PLXNB1: variants seen among roughly 807,000 people sequenced by gnomAD.
The protein encoded by PLXNB1 is plexin B1.
PLXNB1 carries 106 observed loss-of-function variants against 209.4 expected under a neutral mutation model. The ratio of observed to expected loss-of-function variants is 0.51; its 90% CI spans 0.43 to 0.59. The LOEUF is 0.59. PLXNB1 is among the 20% of genes least tolerant of loss of function. The pLI is 0.00. For synonymous variants in PLXNB1, 1,167 were observed against 1,183.2 expected, an observed-to-expected ratio of 0.99 and a Z score of 0.28; for missense variants, 2,357 against 2,853.2, an observed-to-expected ratio of 0.83 and a Z score of 3.96.
chr3:48,419,524 G>A lies in PLXNB1; in HGVS notation c.2709+53C>T. 1.3e-6 allele frequency: 2 copies of A among 1,543,174 alleles called. No individual in the cohort carries two copies. The highest frequency in any genetic ancestry group is 3.6e-5 in the Admixed American group (2 of 55,444). On this transcript the variant is annotated intron_variant, in intron 11 of 37. Transcript: ENST00000296440. The surrounding 1 kb of genome is among the most constrained non-coding windows in gnomAD (Gnocchi z 5.7). ...AGAATCACAAGGCAAGCTAGGGGTAGCATCTTCCCCACATCCCCTCCCCTG... is the reference window on the plus strand; with the variant it reads ...AGAATCACAAGGCAAGCTAGGGGTAACATCTTCCCCACATCCCCTCCCCTG...
chr3:48,424,558 G>A lies in PLXNB1; in HGVS notation c.54C>T (p.Leu18=), dbSNP rs180824217. The change falls in exon 3 of 38, where the codon CTC becomes CTT. Residue 18 remains leucine (L), a synonymous_variant. Transcript: ENST00000296440. ...LLQALWAGWV[L]TLQPLPPTAF... is the part of the protein sequence containing the mutation. ...CAGTTGGTGGAAGGGGCTGGAGGGT[G>A]AGGACCCACCCGGCCCAGAGAGCCT... The A allele has an allele frequency of 1.7e-4, 271 of 1,563,110 alleles. 1 individual carries two copies. The highest frequency in any genetic ancestry group is 1.6e-3 in the South Asian group (134 of 85,372).
Position 48,405,787 on chromosome 3 carries a change from T to C in PLXNB1, c.6240A>G (p.Gly2080=). 2.5e-6 allele frequency: 4 copies of C among 1,613,398 alleles called. No individual in the cohort carries two copies. Among genetic ancestry groups the C allele is most frequent in the Non-Finnish European group, 8.5e-7 (1 of 1,179,672 alleles). ...GCAGGGCCACTCGCGCCCCGAGGTC[T>C]CCGGAGTAGTTCTAGGGAAGAGGCC... ...VLAELSWNYS[G]DLGARVALHE... The change falls in exon 37 of 38, where the codon GGA becomes GGG. Residue 2080 remains glycine, a synonymous_variant. Transcript: ENST00000296440. This position sits in a 1 kb window ranked among gnomAD's most constrained non-coding sequence, Gnocchi z 5.0.
chr3:48,404,225 T>C lies in PLXNB1; in HGVS notation c.*261A>G. 2.1e-6 allele frequency: 1 copy of C among 476,646 alleles called. No homozygotes were observed. The highest frequency in any genetic ancestry group is 3.7e-6 in the Non-Finnish European group (1 of 268,200). 29.5% of individuals were successfully genotyped at this position (476,646 alleles called of 1,614,324 possible). A position where few individuals can be genotyped will look rare whatever the true frequency, so the allele number is the denominator to read the frequency against. ...CCAGCCACTCTCTGGAAGCCCTTAG[T>C]CCCCAACTCCCTGCAGACCGGTGTC... On this transcript the variant is annotated 3_prime_UTR_variant, in exon 38 of 38. Coordinates refer to ENST00000296440, the MANE Select transcript of PLXNB1 (RefSeq NM_001130082.3).
chr3:48,415,597 G>C lies in PLXNB1; in HGVS notation c.3780C>G (p.Thr1260=), dbSNP rs1415462994. 6.3e-7 allele frequency: 1 copy of C among 1,581,744 alleles called. No homozygotes were observed. Among genetic ancestry groups the C allele is most frequent in the Non-Finnish European group, 8.6e-7 (1 of 1,162,984 alleles). ...LDPNITSAGP[T]KSFLSGGREI... is the part of the protein sequence containing the mutation. The stretch of plus-strand genomic sequence containing the variant: ...TGGCCCAACACCTGAGGAAGCTCTT[G>C]GTGGGGCCAGCAGAGGTGATGTTGG... Residue 1260 remains threonine (T), a synonymous_variant, in exon 19 of 38, where the codon ACC becomes ACG. Coordinates refer to ENST00000296440, the MANE Select transcript of PLXNB1 (RefSeq NM_001130082.3). This position sits in a 1 kb window ranked among gnomAD's most constrained non-coding sequence, Gnocchi z 5.0.
intron 6 of PLXNB1, 21 bp downstream of exon 6, chr3:48,422,084 G>A (rs1479655487): frequency 6.3e-7 from 1 of 1,596,574 alleles, no homozygotes; most frequent in Non-Finnish European, 8.6e-7. Flanking sequence ...GCTGGGGCTG[G>A]GATGGGGTCA....
Position 48,429,085 on chromosome 3 carries a change from G to A in PLXNB1, c.-60+923C>T, listed in dbSNP as rs1575417818. 6.6e-6 allele frequency among the ~76,000 whole-genome samples: 1 copy of A among 152,222 alleles called. No individual in the cohort carries two copies. The highest frequency in any genetic ancestry group is 1.9e-4 in the East Asian group (1 of 5,186). ...TCAGTCTCCCAATCGCGTTCCAGGCGGAGTCGCCAGAGTTTCCCTTCGCGC... is the reference window on the plus strand; with the variant it reads ...TCAGTCTCCCAATCGCGTTCCAGGCAGAGTCGCCAGAGTTTCCCTTCGCGC... On this transcript the variant is annotated intron_variant, in intron 1 of 37. Transcript: ENST00000296440. This position sits in a 1 kb window ranked among gnomAD's most constrained non-coding sequence, Gnocchi z 6.4.
At chr3:48,421,567 G>A in intron 7 of PLXNB1, 107 bp downstream of exon 7, 1 of 1,240,722 alleles carries the variant, frequency 8.1e-7, no homozygotes, top group Non-Finnish European at 1.1e-6. Flanking sequence ...TGACTTGTGT[G>A]AGGCCATGTG....
rs1452980611 is a variant in PLXNB1, at chr3:48,411,714, G to A, written c.5247+149C>T. ...CTATCCTGCTAAGCTAGTCTGATGG[G>A]CTCTCTCCAGGAGCCAGCCAGAGGT... is the stretch of plus-strand genomic sequence containing the variant. On this transcript the variant is annotated intron_variant, in intron 28 of 37. Coordinates refer to ENST00000296440, the MANE Select transcript of PLXNB1 (RefSeq NM_001130082.3). The surrounding 1 kb of genome is among the most constrained non-coding windows in gnomAD (Gnocchi z 4.0). 8 of 826,942 alleles carry A rather than the reference G, an allele frequency of 9.7e-6. No homozygotes were observed. Among genetic ancestry groups the A allele is most frequent in the African/African-American group, 1.7e-5 (1 of 58,048 alleles). The allele number at this position is 826,942 out of a possible 1,614,324, so 51.2% of individuals were successfully genotyped here.
chr3:48,420,095 A>C lies in PLXNB1; in HGVS notation c.2191T>G (p.Ser731Ala). The C allele has an allele frequency of 6.2e-7, 1 of 1,613,520 alleles. No homozygotes were observed. Among genetic ancestry groups the C allele is most frequent in the South Asian group, 1.1e-5 (1 of 91,042 alleles). Residue 731 changes from serine (S) to alanine (A), a missense_variant, in exon 11 of 38, where the codon TCC becomes GCC. This residue lies in a region of PLXNB1 where 410 missense variants were observed against 401.0 expected (regional missense o/e 1.02). Transcript: ENST00000296440. ...ASDISPGASP[S>A]LLSPWGPWAG... is the part of the protein sequence containing the mutation. ...CATGGCCCCCAGGGGCTGAGCAGGG[A>C]AGGACTAGCCCCAGGTGAGATGTCC...
intron 2 of PLXNB1, among the ~76,000 whole-genome samples, 197 bp downstream of exon 2, chr3:48,425,084 A>G (rs2038812634): frequency 6.6e-6 from 1 of 152,242 alleles, no homozygotes; most frequent in African/African-American, 2.4e-5. Flanking sequence ...GTTAGAATCA[A>G]GACAAGAGTT....
At chr3:48,422,621 A>G in intron 4 of PLXNB1, 144 bp downstream of exon 4, 2 of 1,218,812 alleles carry the variant, frequency 1.6e-6, no homozygotes, top group Non-Finnish European at 2.3e-6. Context: ...AGTCACAGGT[A>G]AACACCACCC....
In PLXNB1 at chr3:48,418,304, G is replaced by A; in HGVS notation, c.3109C>T (p.Pro1037Ser). ...TCACACCACACACAGCCATACTGGG[G>A]CATGGCAGTTTGGCAGCGGCTGCAG... ...GDCSRCQTAM[P>S]QYGCVWCEGE... The change falls in exon 15 of 38, where the codon CCC becomes TCC. Residue 1037 changes from proline (P) to serine (S), a missense_variant. Around this residue, in one of 7 missense-constraint regions of PLXNB1, gnomAD observed 743 missense variants for 896.2 expected, o/e 0.83. Transcript: ENST00000296440. The surrounding 1 kb of genome is among the most constrained non-coding windows in gnomAD (Gnocchi z 6.6). 6.2e-7 allele frequency: 1 copy of A among 1,613,796 alleles called. No homozygotes were observed. The highest frequency in any genetic ancestry group is 8.5e-7 in the Non-Finnish European group (1 of 1,180,046).
At chr3:48,421,424 GCAGCAGA>G (rs777398804) in intron 7 of PLXNB1, 40 bp from the exon 8 acceptor site, 2 of 1,511,356 alleles carry the variant, frequency 1.3e-6, no homozygotes, top group South Asian at 1.3e-5. Flanking sequence ...GGGCTAGTGG[GCAGCAGA>G]CCAGGGCTCA....
At chr3:48,425,829 CACACACAGAG>C (rs1330646464) in intron 1 of PLXNB1, among the ~76,000 whole-genome samples, 8 of 149,130 alleles carry the variant, frequency 5.4e-5, no homozygotes, top group African/African-American at 2.1e-4. Flanking sequence ...CACACACACA[CACACACAGAG>C]AGAGAGAGAT....
rs1366864196 is a variant in PLXNB1 at position 48,411,579 on chromosome 3, C to T, written c.5247+284G>A. ...GTCAGGCCCTGACACAGCTCAAGCCCATGGTCTAAGGTAGGGCTGGCTTCT... is the reference window on the plus strand; with the variant it reads ...GTCAGGCCCTGACACAGCTCAAGCCTATGGTCTAAGGTAGGGCTGGCTTCT... On this transcript the variant is annotated intron_variant, in intron 28 of 37. Coordinates refer to ENST00000296440, the MANE Select transcript of PLXNB1 (RefSeq NM_001130082.3). The surrounding 1 kb of genome is among the most constrained non-coding windows in gnomAD (Gnocchi z 4.0). Among the ~76,000 whole-genome samples the T allele has an allele frequency of 6.6e-6, 1 of 152,212 alleles. No individual in the cohort carries two copies. Among genetic ancestry groups the T allele is most frequent in the East Asian group, 1.9e-4 (1 of 5,198 alleles).
Position 48,409,263 on chromosome 3 carries a change from T to A in PLXNB1, c.6087+66A>T. On this transcript the variant is annotated intron_variant, in intron 34 of 37. Coordinates refer to ENST00000296440, the MANE Select transcript of PLXNB1 (RefSeq NM_001130082.3). This position sits in a 1 kb window ranked among gnomAD's most constrained non-coding sequence, Gnocchi z 5.8. ...TTGAAGTTCTCAGAAAAGCCTGGAA[T>A]CTGAGTGCACACACAGCACTGTCCA... 1.9e-6 allele frequency: 3 copies of A among 1,570,876 alleles called. No homozygotes were observed. The highest frequency in any genetic ancestry group is 1.1e-5 in the South Asian group (1 of 87,050).
At position 48,419,080 on chromosome 3, in the gene PLXNB1, TG is replaced by T. The variant is rs1560064265; in HGVS notation, c.2833-42del. Reference sequence around the variant, plus strand: ...ACAGCTGTTGGGCAGCTTCAGGAGCTGGGCCCAGGGAGTCCTGCAGGTCACC... The same window carrying T: ...ACAGCTGTTGGGCAGCTTCAGGAGCTGGCCCAGGGAGTCCTGCAGGTCACC... On this transcript the variant is annotated intron_variant, in intron 12 of 37. Coordinates refer to ENST00000296440, the MANE Select transcript of PLXNB1 (RefSeq NM_001130082.3). The surrounding 1 kb of genome is among the most constrained non-coding windows in gnomAD (Gnocchi z 5.7). The T allele has an allele frequency of 6.2e-7, 1 of 1,608,822 alleles. No homozygotes were observed. The highest frequency in any genetic ancestry group is 2.2e-5 in the East Asian group (1 of 44,744).
rs1395278951 is a variant in PLXNB1 at position 48,420,948 on chromosome 3, A to G, written c.1819T>C (p.Ser607Pro). ...CCAAATCTGAGCTCCACGCTCACGG[A>G]TACGTAGTCTGCAGAGGGGGAGAGA... ...PVLPRGADYV[S>P]VSVELRFGAV... The change falls in exon 9 of 38, where the codon TCC becomes CCC. Residue 607 changes from serine (S) to proline (P), a missense_variant. Physicochemically the swap from Ser to Pro is moderately conservative, Grantham distance 74. Coordinates refer to ENST00000296440, the MANE Select transcript of PLXNB1 (RefSeq NM_001130082.3). The G allele has an allele frequency of 2.5e-6, 4 of 1,612,794 alleles. No homozygotes were observed. Among genetic ancestry groups the G allele is most frequent in the Non-Finnish European group, 2.5e-6 (3 of 1,178,898 alleles).
Position 48,409,807 on chromosome 3 carries a change from G to GCACTGTGC in PLXNB1, c.5779-84_5779-77dup, listed in dbSNP as rs1408246611. 3.9e-5 allele frequency: 62 copies of GCACTGTGC among 1,579,632 alleles called. No homozygotes were observed. Among genetic ancestry groups the GCACTGTGC allele is most frequent in the Non-Finnish European group, 5.2e-5 (60 of 1,157,736 alleles). On this transcript the variant is annotated intron_variant, in intron 32 of 37. Coordinates refer to ENST00000296440, the MANE Select transcript of PLXNB1 (RefSeq NM_001130082.3). This position sits in a 1 kb window ranked among gnomAD's most constrained non-coding sequence, Gnocchi z 5.8. ...GCAGCCCAGCCTCAGACACCCCCCG[G>GCACTGTGC]CACTGTGCCTGCACGAGCCCCACAC...
Sources: gnomAD v4.1 joint callset for allele counts (sites outside exome capture counted in the v4.1 genomes callset) on GRCh38, gnomAD v4.1.1 for gene constraint, gnomAD v4.1.1 regional missense constraint, Gnocchi (gnomAD v3.1) non-coding constraint, MANE v1.5 for transcripts, NCBI Gene and HGNC (gene_info 2026-07-23, HGNC 2026-07-21) for gene names.